DDX49: variants seen among roughly 807,000 people sequenced by gnomAD.
DDX49 encodes the protein DEAD-box helicase 49.
In DDX49, 50 loss-of-function variants were observed where a neutral mutation model predicts 56.3. That is an observed-to-expected ratio of 0.89 (90% CI 0.71 to 1.12). DDX49 has a LOEUF of 1.12. Among genes scored for constraint, DDX49 ranks in the 50% most tolerant of loss-of-function variants. DDX49 has a pLI of 0.00. For synonymous variants in DDX49, 269 were observed against 270.6 expected (o/e 0.99, Z 0.06); for missense variants, 614 against 650.5 (o/e 0.94, Z 0.61).
At chr19:18,924,374 C>CGGCA in intron 7 of DDX49, 66 bp downstream of exon 7, 1 of 1,509,734 alleles carries the variant, frequency 6.6e-7, no homozygotes, top group Non-Finnish European at 9.2e-7. Context: ...ACATTGGCCC[C>CGGCA]GATCCTTCCT....
intron 10 of DDX49, among the ~76,000 whole-genome samples, chr19:18,926,655 C>CA: frequency 6.6e-6 from 1 of 152,164 alleles, no homozygotes; most frequent in Non-Finnish European, 1.5e-5. Flanking sequence ...CCTGAGATGT[C>CA]AGAGGCCCCA....
chr19:18,926,811 A>G (rs1315890423), intron 10 of DDX49, among the ~76,000 whole-genome samples: 1 of 152,140 alleles, frequency 6.6e-6, no homozygotes, highest in Non-Finnish European at 1.5e-5. Context: ...AGTGGCTCAC[A>G]CTTGTAATCC....
chr19:18,922,628 C>A lies in DDX49; in HGVS notation c.660C>A (p.Asp220Glu), dbSNP rs2056928415. The A allele has an allele frequency of 1.9e-6, 3 of 1,613,506 alleles. No individual in the cohort carries two copies. Among genetic ancestry groups the A allele is most frequent in the African/African-American group, 1.3e-5 (1 of 74,922 alleles). The stretch of plus-strand genomic sequence containing the variant: ...GGGTGAGCACCGTGGAGCAGCTGGA[C>A]CAGCGCTACCTGCTGGTGCCTGAGA... ...QAPVSTVEQLDQRYLLVPEKV... is the reference protein window; with the variant it reads ...QAPVSTVEQLEQRYLLVPEKV... Residue 220 changes from aspartate to glutamate, a missense_variant, in exon 6 of 13, where the codon GAC (aspartate) becomes GAA (glutamate). Coordinates refer to ENST00000247003, the MANE Select transcript of DDX49 (RefSeq NM_019070.5).
chr19:18,928,028 G>A lies in DDX49; in HGVS notation c.1255G>A (p.Glu419Lys), dbSNP rs2056977336. ...CAACAAACGGAAGCAGCTGATCCTG[G>A]AGGGGAAGGTGAGGGCCGAGCCCGC... Reference protein sequence around the residue: ...EINKRKQLILEGKDPDLEAKR... With the variant: ...EINKRKQLILKGKDPDLEAKR... The change falls in exon 12 of 13, where the codon GAG (glutamate) becomes AAG (lysine). Residue 419 changes from glutamate to lysine, a missense_variant. Physicochemically the swap from Glu to Lys is moderately conservative, Grantham distance 56. Transcript: ENST00000247003. 1 of 1,613,762 alleles carries A rather than the reference G, an allele frequency of 6.2e-7. No individual in the cohort carries two copies. Among genetic ancestry groups the A allele is most frequent in the African/African-American group, 1.3e-5 (1 of 74,842 alleles).
intron 9 of DDX49, 46 bp downstream of exon 9, chr19:18,925,025 A>C (rs372637765): frequency 8.1e-5 from 128 of 1,587,636 alleles, no homozygotes; most frequent in Non-Finnish European, 1.1e-4. Flanking sequence ...CTGTCCCTCC[A>C]GCCTGCCCAG....
chr19:18,926,609 G>T (rs975620818), intron 10 of DDX49, among the ~76,000 whole-genome samples: 3 of 152,318 alleles, frequency 2.0e-5, no homozygotes, highest in African/African-American at 7.2e-5. Flanking sequence ...GTCAGGAGGG[G>T]ACTTGGGTTT....
intron 2 of DDX49, 62 bp downstream of exon 2, chr19:18,920,765 C>T: frequency 6.6e-7 from 1 of 1,511,788 alleles, no homozygotes; most frequent in South Asian, 1.3e-5. Flanking sequence ...GGGCAAGCAC[C>T]TTTCCCTCTC....
chr19:18,926,407 A>AAAAAG, intron 10 of DDX49, 30 bp downstream of exon 10: 2 of 177,448 alleles, frequency 1.1e-5, no homozygotes, highest in Non-Finnish European at 2.0e-5. Context: ...GTGGTAGAGA[A>AAAAAG]GGAGGGGTGG....
At position 18,924,700 on chromosome 19, in the gene DDX49, G is replaced by T; in HGVS notation, c.929+1G>T. ...TGATCGCAACAGACGTGGCCTCCCG[G>T]TGAGCAGCCCCCAGTCTCCTGCCAA... On this transcript the variant is annotated splice_donor_variant, in intron 8 of 12. Coordinates refer to ENST00000247003, the MANE Select transcript of DDX49 (RefSeq NM_019070.5). LOFTEE classifies it high-confidence loss of function. The T allele has an allele frequency of 6.2e-7, 1 of 1,614,190 alleles. No individual in the cohort carries two copies. The highest frequency in any genetic ancestry group is 8.5e-7 in the Non-Finnish European group (1 of 1,180,032).
chr19:18,925,270 A>C, intron 9 of DDX49: 3 of 380,144 alleles, frequency 7.9e-6, no homozygotes, highest in Non-Finnish European at 9.8e-6. Flanking sequence ...AATAAAATAA[A>C]ATAGGCCAGG....
intron 7 of DDX49, 105 bp from the exon 8 acceptor site, chr19:18,924,518 C>G: frequency 1.5e-6 from 2 of 1,338,544 alleles, no homozygotes; most frequent in South Asian, 1.2e-5. Context: ...GGCCACCTTC[C>G]TCAATGGACG....
Position 18,927,842 on chromosome 19 carries a change from A to G in DDX49, c.1179A>G (p.Arg393=), listed in dbSNP as rs753958635. ...QILTQVNVVR[R]ECEIKLEAAH... is the part of the protein sequence containing the mutation. ...TCACACAGGTCAACGTGGTGCGAAG[A>G]GAGTGTGAGATCGTGAGTGTCAGAG... Residue 393 remains arginine, a synonymous_variant, in exon 11 of 13, where the codon AGA becomes AGG. Transcript: ENST00000247003. 6.2e-6 allele frequency: 10 copies of G among 1,613,820 alleles called. No individual in the cohort carries two copies. The highest frequency in any genetic ancestry group is 8.5e-6 in the Non-Finnish European group (10 of 1,179,992).
At position 18,928,295 on chromosome 19, in the gene DDX49, C is replaced by A; in HGVS notation, c.1431C>A (p.Val477=). The part of the protein sequence containing the change: ...RTPSGSHSGP[V]PSQGLV ...CGTCTGGGTCCCACTCAGGCCCAGT[C>A]CCCTCCCAGGGCCTGGTCTGAGCCC... Residue 477 remains valine (V), a synonymous_variant, in exon 13 of 13, where the codon GTC becomes GTA. Transcript: ENST00000247003. The A allele has an allele frequency of 1.3e-6, 2 of 1,568,916 alleles. No homozygotes were observed. The highest frequency in any genetic ancestry group is 1.9e-5 in the Admixed American group (1 of 53,528).
At position 18,928,564 on chromosome 19, in the gene DDX49, CCAAGGTCA is replaced by C. The variant is rs897097425; in HGVS notation, c.*250_*257del. 34 of 509,464 alleles carry C rather than the reference CCAAGGTCA, an allele frequency of 6.7e-5. No individual in the cohort carries two copies. The highest frequency in any genetic ancestry group is 1.1e-4 in the Non-Finnish European group (31 of 290,330). 31.6% of individuals were successfully genotyped at this position (509,464 alleles called of 1,614,324 possible). On this transcript the variant is annotated 3_prime_UTR_variant, in exon 13 of 13. Transcript: ENST00000247003. ...ATGACCGGGAGGTTGTGACCCCAAC[CCAAGGTCA>C]CCCCCCAGGGGTGCCGCATACAGGA...
intron 2 of DDX49, among the ~76,000 whole-genome samples, chr19:18,921,298 G>C (rs8102239): frequency 1.4e-4 from 22 of 152,204 alleles, no homozygotes; most frequent in Admixed American, 5.2e-4. Context: ...GAGCCAGGGA[G>C]AGGCCAGGAC....
chr19:18,925,262 T>A (rs1178532747), intron 9 of DDX49: 14 of 320,164 alleles, frequency 4.4e-5, no homozygotes, highest in African/African-American at 2.4e-5. Flanking sequence ...TCCAAAAAAA[T>A]AAAATAAAAT....
At chr19:18,920,752 C>T (rs774962165) in intron 2 of DDX49, 49 bp downstream of exon 2, 13 of 1,548,764 alleles carry the variant, frequency 8.4e-6, no homozygotes, top group Admixed American at 3.5e-5. Context: ...GCTGTGCTCT[C>T]TTGGGCAAGC....
At chr19:18,923,287 C>T (rs771448186) in intron 6 of DDX49, among the ~76,000 whole-genome samples, 18 of 152,070 alleles carry the variant, frequency 1.2e-4, no homozygotes, top group Non-Finnish European at 2.2e-4. Flanking sequence ...TTTGGGAGGC[C>T]GAGGTAGGCG....
chr19:18,920,467 G>T, intron 1 of DDX49, 113 bp from the exon 2 acceptor site: 1 of 1,171,374 alleles, frequency 8.5e-7, no homozygotes. Flanking sequence ...GGGTCAAATG[G>T]ATATGGGTTC....
Sources: gnomAD v4.1 joint callset for allele counts (sites outside exome capture counted in the v4.1 genomes callset) on GRCh38, gnomAD v4.1.1 for gene constraint, MANE v1.5 for transcripts, NCBI Gene and HGNC (gene_info 2026-07-23, HGNC 2026-07-21) for gene names.